RBFOX1: variants seen among roughly 807,000 people sequenced by gnomAD.
RBFOX1 encodes the protein RNA binding protein fox-1 homolog 1.
RBFOX1 carries 8 observed loss-of-function variants against 57.7 expected under a neutral mutation model. That is an observed-to-expected ratio of 0.14 (90% CI 0.08 to 0.25). The LOEUF (loss-of-function observed/expected upper bound fraction) is 0.25. Among genes scored for constraint, RBFOX1 ranks in the 10% least tolerant of loss-of-function variants. The pLI is 1.00. For synonymous variants in RBFOX1, 326 were observed against 222.4 expected (o/e 1.47, Z -4.15); for missense variants, 611 against 548.5 (o/e 1.11, Z -1.14).
chr16:5,584,181 T>G (rs1196565638), intron 2 of RBFOX1, among the ~76,000 whole-genome samples: 1 of 152,190 alleles, frequency 6.6e-6, no homozygotes, highest in East Asian at 1.9e-4. Flanking sequence ...TGTTCTCCCT[T>G]GTGATTATGT....
intron 3 of RBFOX1, among the ~76,000 whole-genome samples, chr16:6,658,572 G>A (rs878887436): frequency 1.3e-5 from 2 of 152,186 alleles, no homozygotes; most frequent in South Asian, 2.1e-4. Flanking sequence ...GTCTGGGCTC[G>A]ATCTGAGACT....
intron 2 of RBFOX1, among the ~76,000 whole-genome samples, chr16:6,587,806 A>G (rs73541310): frequency 3.3e-5 from 5 of 152,216 alleles, no homozygotes; most frequent in Admixed American, 1.3e-4. Flanking sequence ...AGTTTCACCA[A>G]TGATTAACAT....
chr16:6,277,549 A>G (rs2075951196), intron 1 of RBFOX1, among the ~76,000 whole-genome samples: 1 of 150,196 alleles, frequency 6.7e-6, no homozygotes, highest in Non-Finnish European at 1.5e-5. Context: ...AGGCAGAAGG[A>G]TCGCTTGAGC....
intron 4 of RBFOX1, among the ~76,000 whole-genome samples, chr16:7,097,562 C>T (rs938460783): frequency 1.3e-5 from 2 of 152,154 alleles, no homozygotes; most frequent in Non-Finnish European, 2.9e-5. Flanking sequence ...TTTTAAGCAC[C>T]TCTCCATCTG....
At chr16:7,531,394 C>G (rs967136787) in intron 5 of RBFOX1, among the ~76,000 whole-genome samples, 4 of 152,128 alleles carry the variant, frequency 2.6e-5, no homozygotes, top group African/African-American at 9.7e-5. Flanking sequence ...TTTCTGTGGA[C>G]AATCAGATTG....
intron 1 of RBFOX1, among the ~76,000 whole-genome samples, chr16:5,368,625 G>C (rs895326786): frequency 6.6e-6 from 1 of 152,138 alleles, no homozygotes; most frequent in Admixed American, 6.5e-5. Flanking sequence ...TTGCCGTTAT[G>C]CACATTTCTG....
intron 3 of RBFOX1, among the ~76,000 whole-genome samples, chr16:5,830,990 C>T (rs1026784192): frequency 3.3e-5 from 5 of 152,080 alleles, no homozygotes; most frequent in African/African-American, 7.2e-5. Context: ...CTGTTTTTTG[C>T]GTAGCCCTTG....
intron 1 of RBFOX1, among the ~76,000 whole-genome samples, chr16:6,103,462 G>A (rs1049497583): frequency 3.3e-5 from 5 of 152,042 alleles, no homozygotes; most frequent in African/African-American, 1.2e-4. Context: ...TTGTCAGTCA[G>A]GCTAGGTTGA....
At chr16:6,108,143 G>A (rs529907109) in intron 1 of RBFOX1, among the ~76,000 whole-genome samples, 2 of 152,168 alleles carry the variant, frequency 1.3e-5, no homozygotes, top group South Asian at 2.1e-4. Context: ...TTAATGACTA[G>A]GAATGTATTT....
chr16:7,353,855 T>G (rs1469672624), intron 4 of RBFOX1, among the ~76,000 whole-genome samples: 1 of 152,166 alleles, frequency 6.6e-6, no homozygotes, highest in East Asian at 1.9e-4. Context: ...CTTTTTGAGG[T>G]GATGAAAATG....
chr16:6,727,871 A>T (rs199539332), intron 3 of RBFOX1, among the ~76,000 whole-genome samples: 1 of 152,172 alleles, frequency 6.6e-6, no homozygotes, highest in Non-Finnish European at 1.5e-5. Context: ...ATTAACTTAC[A>T]GTCCAGTATT....
intron 2 of RBFOX1, among the ~76,000 whole-genome samples, chr16:6,488,951 C>T (rs1054855164): frequency 4.2e-4 from 64 of 152,260 alleles, no homozygotes; most frequent in African/African-American, 1.5e-3. Context: ...AATTATTAAA[C>T]ATTTAAAATC....
chr16:7,243,152 C>A (rs565952458), intron 4 of RBFOX1, among the ~76,000 whole-genome samples: 1 of 152,208 alleles, frequency 6.6e-6, no homozygotes, highest in South Asian at 2.1e-4. Context: ...TTGTAACACA[C>A]CCAGTATTAA....
In RBFOX1 at chr16:6,337,810, C is replaced by T. The variant is rs973790239; in HGVS notation, c.-64+20753C>T. ...ATTTTTCCACGTTGAGACGAATCCT[C>T]CTGCCTCTTCTTGAGAATCCCTCCA... On this transcript the variant is annotated intron_variant, in intron 2 of 15. Coordinates refer to ENST00000550418, the MANE Select transcript of RBFOX1 (RefSeq NM_018723.4). Among the ~76,000 whole-genome samples the T allele has an allele frequency of 2.0e-5, 3 of 152,332 alleles. No homozygotes were observed. The East Asian group carries it at 5.8e-4, about 29-fold the overall frequency.
chr16:5,848,007 T>C (rs1409104400), intron 3 of RBFOX1, among the ~76,000 whole-genome samples: 1 of 152,138 alleles, frequency 6.6e-6, no homozygotes, highest in Non-Finnish European at 1.5e-5. Context: ...ACACCCCCAG[T>C]AGTGATAATT....
At chr16:6,834,015 A>G (rs1375509389) in intron 3 of RBFOX1, among the ~76,000 whole-genome samples, 1 of 152,050 alleles carries the variant, frequency 6.6e-6, no homozygotes, top group African/African-American at 2.4e-5. Context: ...CTGGGAAGCC[A>G]TTGGAGGAAT....
chr16:7,294,750 T>C (rs2095857894), intron 4 of RBFOX1, among the ~76,000 whole-genome samples: 1 of 151,686 alleles, frequency 6.6e-6, no homozygotes, highest in Non-Finnish European at 1.5e-5. Flanking sequence ...CTTACGAGGT[T>C]TAGATATTGT....
chr16:6,333,903 C>G (rs1057186064), intron 2 of RBFOX1, among the ~76,000 whole-genome samples: 2 of 152,110 alleles, frequency 1.3e-5, no homozygotes, highest in East Asian at 3.9e-4. Context: ...GAAAGCCACC[C>G]TATGCTAACT....
At chr16:6,492,717 C>A (rs574993330) in intron 2 of RBFOX1, among the ~76,000 whole-genome samples, 4 of 152,140 alleles carry the variant, frequency 2.6e-5, no homozygotes, top group Non-Finnish European at 5.9e-5. Context: ...GAAACTGGAG[C>A]GGAGGAAATA....
Sources: gnomAD v4.1 joint callset for allele counts (sites outside exome capture counted in the v4.1 genomes callset) on GRCh38, gnomAD v4.1.1 for gene constraint, MANE v1.5 for transcripts, NCBI Gene and HGNC (gene_info 2026-07-23, HGNC 2026-07-21) for gene names.